Variants in FRMD4A observed in about 807,000 individuals in gnomAD.
The protein encoded by FRMD4A is FERM domain containing 4A.
Under a neutral mutation model 129.1 loss-of-function variants are expected in FRMD4A, and 29 were observed. That is an observed-to-expected ratio of 0.22 (90% CI 0.17 to 0.31). FRMD4A has a LOEUF of 0.31. Ranked by LOEUF, FRMD4A falls within the 10% of genes least tolerant of loss-of-function variation. The pLI, the probability that FRMD4A is intolerant of heterozygous loss-of-function variation, is 1.00. For synonymous variants in FRMD4A, 634 were observed against 571.6 expected (o/e 1.11, Z -1.56); for missense variants, 1,272 against 1,375.8 (o/e 0.92, Z 1.19).
At chr10:14,199,831 AT>A (rs1842582271) in intron 2 of FRMD4A, among the ~76,000 whole-genome samples, 1 of 139,204 alleles carries the variant, frequency 7.2e-6, no homozygotes, top group Non-Finnish European at 1.7e-5. Context: ...GTACTTTATT[AT>A]TTCCTCTACC....
At chr10:13,974,982 T>C (rs1448466912) in intron 2 of FRMD4A, among the ~76,000 whole-genome samples, 1 of 64,204 alleles carries the variant, frequency 1.6e-5, no homozygotes, top group African/African-American at 6.2e-5. Flanking sequence ...TCACTATAGG[T>C]GTGTGTGTGT....
intron 2 of FRMD4A, among the ~76,000 whole-genome samples, chr10:13,928,211 G>T (rs2095156122): frequency 6.6e-6 from 1 of 151,942 alleles, no homozygotes. Flanking sequence ...TTGCATAGAA[G>T]AAGTCTTGCT....
intron 2 of FRMD4A, among the ~76,000 whole-genome samples, chr10:14,228,958 G>A (rs892803907): frequency 2.6e-5 from 4 of 152,114 alleles, no homozygotes; most frequent in African/African-American, 4.8e-5. Context: ...GTTTAAGCAC[G>A]GTGTGACAGT....
At chr10:14,177,152 C>T (rs749851124) in intron 2 of FRMD4A, among the ~76,000 whole-genome samples, 8 of 152,160 alleles carry the variant, frequency 5.3e-5, no homozygotes, top group Middle Eastern at 3.4e-3. Context: ...ACTCAGAAAC[C>T]CCTCTCATCA....
At chr10:13,947,311 C>T (rs942264597) in intron 2 of FRMD4A, among the ~76,000 whole-genome samples, 2 of 152,102 alleles carry the variant, frequency 1.3e-5, no homozygotes, top group African/African-American at 4.8e-5. Context: ...CTATCATTCC[C>T]AATTAAACAG....
At chr10:14,063,402 T>C (rs1834907827) in intron 2 of FRMD4A, among the ~76,000 whole-genome samples, 1 of 152,172 alleles carries the variant, frequency 6.6e-6, no homozygotes, top group Non-Finnish European at 1.5e-5. Context: ...TTACATTTAT[T>C]ATGTTATTGT....
intron 2 of FRMD4A, among the ~76,000 whole-genome samples, chr10:13,944,494 G>A (rs1462263108): frequency 6.6e-6 from 1 of 152,046 alleles, no homozygotes; most frequent in Non-Finnish European, 1.5e-5. Flanking sequence ...AATAATAATA[G>A]AAATAAATGT....
intron 2 of FRMD4A, among the ~76,000 whole-genome samples, chr10:14,273,727 C>A (rs2132050024): frequency 6.6e-6 from 1 of 152,216 alleles, no homozygotes; most frequent in South Asian, 2.1e-4. Context: ...CTCCAGGGTT[C>A]TTGTTTGCAA....
At chr10:14,238,890 T>A (rs1424667870) in intron 2 of FRMD4A, among the ~76,000 whole-genome samples, 3 of 152,230 alleles carry the variant, frequency 2.0e-5, no homozygotes, top group Non-Finnish European at 4.4e-5. Flanking sequence ...TGCATAGTAT[T>A]CCATGGTGTA....
intron 2 of FRMD4A, among the ~76,000 whole-genome samples, chr10:14,009,313 T>G (rs1052354554): frequency 1.4e-4 from 13 of 95,390 alleles, no homozygotes; most frequent in African/African-American, 2.5e-4. Flanking sequence ...TATGTTTGGG[T>G]TTTTTTTTTC....
rs554009264 is a variant in FRMD4A, at chr10:13,821,977, C to T, written c.112-11069G>A. Among the ~76,000 whole-genome samples, 7 of 151,760 alleles carry T rather than the reference C, an allele frequency of 4.6e-5. No homozygotes were observed. The highest frequency in any genetic ancestry group is 1.9e-4 in the East Asian group (1 of 5,178). On this transcript the variant is annotated intron_variant, in intron 3 of 24. Transcript: ENST00000357447. The surrounding 1 kb of genome is among the most constrained non-coding windows in gnomAD (Gnocchi z 4.3). Reference sequence around the variant, plus strand: ...GGGGACAGAGCAGGTCTCGAAGATCCGAAGCAGGAAGGAAAGAAACAAAGT... The same window carrying T: ...GGGGACAGAGCAGGTCTCGAAGATCTGAAGCAGGAAGGAAAGAAACAAAGT...
chr10:13,861,659 T>A (rs1401232078), intron 2 of FRMD4A, among the ~76,000 whole-genome samples: 2 of 152,176 alleles, frequency 1.3e-5, no homozygotes, highest in Non-Finnish European at 2.9e-5. Context: ...ATTTGATGAG[T>A]CTATGCAAAG....
chr10:13,693,324 C>T (rs2134828730), intron 15 of FRMD4A: 1 of 217,156 alleles, frequency 4.6e-6, no homozygotes, highest in African/African-American at 2.4e-5. Flanking sequence ...CTGTCCCTCC[C>T]AACATCAAAA....
intron 2 of FRMD4A, among the ~76,000 whole-genome samples, chr10:13,896,568 A>G (rs1020914088): frequency 1.3e-5 from 2 of 152,070 alleles, no homozygotes; most frequent in Non-Finnish European, 2.9e-5. Context: ...TACCTAATGC[A>G]TGTGGGGCTT....
chr10:13,778,659 C>T (rs1310408796), intron 6 of FRMD4A, among the ~76,000 whole-genome samples: 1 of 151,236 alleles, frequency 6.6e-6, no homozygotes, highest in African/African-American at 2.4e-5. Flanking sequence ...TTTTTGCAAT[C>T]CCTAGGGCCT....
At chr10:13,698,381 A>G (rs1217724660) in intron 14 of FRMD4A, among the ~76,000 whole-genome samples, 2 of 152,164 alleles carry the variant, frequency 1.3e-5, no homozygotes, top group African/African-American at 4.8e-5. Context: ...CTGGCTGCCT[A>G]GAAATGTTAT....
At chr10:13,661,850 T>C (rs2082664307) in intron 19 of FRMD4A, among the ~76,000 whole-genome samples, 1 of 152,080 alleles carries the variant, frequency 6.6e-6, no homozygotes, top group Non-Finnish European at 1.5e-5. Context: ...CCTAAATCCA[T>C]TTCCAGCGAC....
intron 2 of FRMD4A, among the ~76,000 whole-genome samples, chr10:14,016,447 A>G (rs182553431): frequency 6.6e-6 from 1 of 152,294 alleles, no homozygotes; most frequent in African/African-American, 2.4e-5. Flanking sequence ...CTCATTTGCC[A>G]CAACAGCCTC....
At chr10:14,321,748 G>A (rs1375081396) in intron 2 of FRMD4A, among the ~76,000 whole-genome samples, 1 of 152,170 alleles carries the variant, frequency 6.6e-6, no homozygotes, top group Admixed American at 6.5e-5. Flanking sequence ...CCAGGTAAGA[G>A]GCCCTGCAGG....
Sources: gnomAD v4.1 joint callset for allele counts (sites outside exome capture counted in the v4.1 genomes callset) on GRCh38, gnomAD v4.1.1 for gene constraint, Gnocchi (gnomAD v3.1) non-coding constraint, MANE v1.5 for transcripts, NCBI Gene and HGNC (gene_info 2026-07-23, HGNC 2026-07-21) for gene names.